SGMS2: variants seen among roughly 807,000 people sequenced by gnomAD.
SGMS2 encodes phosphatidylcholine:ceramide cholinephosphotransferase 2.
SGMS2 carries 21 observed loss-of-function variants against 43.8 expected under a neutral mutation model. The observed-to-expected ratio is 0.48, with a 90% CI of 0.34 to 0.69. The LOEUF is 0.69. Among genes scored for constraint, SGMS2 ranks in the 30% least tolerant of loss-of-function variants. The pLI, the probability that SGMS2 is intolerant of heterozygous loss-of-function variation, is 0.01. For synonymous variants in SGMS2, 167 were observed against 160.6 expected (o/e 1.04, Z -0.30); for missense variants, 384 against 443.2 (o/e 0.87, Z 1.20).
chr4:107,886,704 T>C (rs996686478), intron 2 of SGMS2: 8 of 152,090 alleles, frequency 5.3e-5, no homozygotes, highest in African/African-American at 1.9e-4. Context: ...TGTGTAGACA[T>C]GTATGAGGCC....
chr4:107,841,831 T>G (rs1470180528), intron 1 of SGMS2, among the ~76,000 whole-genome samples: 1 of 152,024 alleles, frequency 6.6e-6, no homozygotes, highest in African/African-American at 2.4e-5. Context: ...CAATTTTTTT[T>G]GTAGAGATAG....
At chr4:107,867,953 A>C (rs1728254028) in intron 2 of SGMS2, 1 of 152,194 alleles carries the variant, frequency 6.6e-6, no homozygotes, top group African/African-American at 2.4e-5. Context: ...CATAGTCAAA[A>C]TTTTTAAACA....
chr4:107,829,334 T>C (rs1725764348), intron 1 of SGMS2, among the ~76,000 whole-genome samples: 3 of 152,230 alleles, frequency 2.0e-5, no homozygotes, highest in Non-Finnish European at 4.4e-5. Context: ...ATTTTAGTTT[T>C]TCATTCACTT....
chr4:107,835,263 AGGG>A (rs1177121734), intron 1 of SGMS2, among the ~76,000 whole-genome samples: 2 of 152,144 alleles, frequency 1.3e-5, no homozygotes, highest in Non-Finnish European at 2.9e-5. Flanking sequence ...TGCAGTTTCT[AGGG>A]GGAAGAGATT....
At chr4:107,835,243 G>T (rs894728502) in intron 1 of SGMS2, among the ~76,000 whole-genome samples, 5 of 152,058 alleles carry the variant, frequency 3.3e-5, no homozygotes, top group African/African-American at 1.2e-4. Flanking sequence ...AATACAGGTG[G>T]AAAATTAGCT....
At chr4:107,857,253 A>G (rs1378203681) in intron 1 of SGMS2, among the ~76,000 whole-genome samples, 3 of 152,056 alleles carry the variant, frequency 2.0e-5, no homozygotes, top group African/African-American at 7.2e-5. Flanking sequence ...TTGTTTATCC[A>G]TTTAATAGTT....
intron 2 of SGMS2, chr4:107,866,772 G>T (rs570771991): frequency 6.6e-6 from 1 of 152,132 alleles, no homozygotes; most frequent in African/African-American, 2.4e-5. Flanking sequence ...TTTCTTTGGT[G>T]AGGTCACTAA....
At chr4:107,828,251 AT>A (rs748914914) in intron 1 of SGMS2, among the ~76,000 whole-genome samples, 2 of 152,280 alleles carry the variant, frequency 1.3e-5, no homozygotes, top group Non-Finnish European at 2.9e-5. Context: ...GCTAACGAGT[AT>A]TGATCTTACT....
chr4:107,892,520 T>A (rs892555608), intron 2 of SGMS2, among the ~76,000 whole-genome samples: 6 of 152,138 alleles, frequency 3.9e-5, no homozygotes, highest in Non-Finnish European at 4.4e-5. Context: ...TTGCCAAGGT[T>A]GAGGTTGCAC....
chr4:107,828,497 G>A (rs1178647275), intron 1 of SGMS2, among the ~76,000 whole-genome samples: 2 of 152,170 alleles, frequency 1.3e-5, no homozygotes, highest in African/African-American at 4.8e-5. Flanking sequence ...ACAACTGTAT[G>A]TCACTAACAT....
intron 1 of SGMS2, among the ~76,000 whole-genome samples, chr4:107,829,904 T>C (rs766550076): frequency 2.3e-4 from 35 of 152,106 alleles, no homozygotes; most frequent in Non-Finnish European, 5.0e-4. Flanking sequence ...CTTCCAGCTT[T>C]TATTTTGGGT....
chr4:107,844,290 C>T (rs1239703193), intron 1 of SGMS2, among the ~76,000 whole-genome samples: 1 of 151,866 alleles, frequency 6.6e-6, no homozygotes, highest in Non-Finnish European at 1.5e-5. Flanking sequence ...GGCCACTGCA[C>T]TCCAGCCTGG....
Position 107,899,650 on chromosome 4 carries a change from T to C in SGMS2, c.531T>C (p.Thr177=), listed in dbSNP as rs554237724. Residue 177 remains threonine (T), a synonymous_variant, in exon 4 of 7, where the codon ACT becomes ACC. Coordinates refer to ENST00000690982, the MANE Select transcript of SGMS2 (RefSeq NM_001375905.1). ...YLYRCITMYV[T]TLPVPGMHFQ... ...ATCGCTGCATTACAATGTATGTTAC[T>C]ACTCTACCTGTGCCTGGAATGCATT... 1 of 1,613,238 alleles carries C rather than the reference T, an allele frequency of 6.2e-7. No homozygotes were observed. The highest frequency in any genetic ancestry group is 1.1e-5 in the South Asian group (1 of 90,904).
At chr4:107,892,612 G>A (rs768767416) in intron 2 of SGMS2, among the ~76,000 whole-genome samples, 2 of 152,002 alleles carry the variant, frequency 1.3e-5, no homozygotes, top group Non-Finnish European at 2.9e-5. Flanking sequence ...CATTTTAGGG[G>A]GATATGAGAC....
intron 5 of SGMS2, chr4:107,907,385 G>C (rs902018025): frequency 5.3e-5 from 8 of 152,276 alleles, no homozygotes; most frequent in African/African-American, 1.4e-4. Context: ...GCTGAGGCAG[G>C]CAGGTCACCT....
At chr4:107,883,055 A>G (rs934137564) in intron 2 of SGMS2, among the ~76,000 whole-genome samples, 2 of 152,154 alleles carry the variant, frequency 1.3e-5, no homozygotes, top group Non-Finnish European at 2.9e-5. Context: ...TAAACACTTC[A>G]TATGCACCAC....
At chr4:107,879,835 A>G (rs544769564) in intron 2 of SGMS2, among the ~76,000 whole-genome samples, 1 of 152,256 alleles carries the variant, frequency 6.6e-6, no homozygotes, top group South Asian at 2.1e-4. Flanking sequence ...GGTAAAATGA[A>G]ATGATTTTTA....
chr4:107,878,378 T>C (rs774800773), intron 2 of SGMS2, among the ~76,000 whole-genome samples: 2 of 152,144 alleles, frequency 1.3e-5, no homozygotes, highest in Non-Finnish European at 2.9e-5. Context: ...TGGGAAAAGC[T>C]CAAATGCATG....
At chr4:107,832,034 G>A (rs1201317401) in intron 1 of SGMS2, among the ~76,000 whole-genome samples, 1 of 152,140 alleles carries the variant, frequency 6.6e-6, no homozygotes, top group Non-Finnish European at 1.5e-5. Context: ...GTCCTCGCCA[G>A]TGCTGTGCGT....
Sources: gnomAD v4.1 joint callset for allele counts (sites outside exome capture counted in the v4.1 genomes callset) on GRCh38, gnomAD v4.1.1 for gene constraint, MANE v1.5 for transcripts, NCBI Gene and HGNC (gene_info 2026-07-23, HGNC 2026-07-21) for gene names.